Variants in ERC2 observed in about 807,000 individuals in gnomAD.
ERC2 encodes the protein ERC protein 2.
A neutral mutation model predicts 114.8 loss-of-function variants in ERC2; 42 were observed. The ratio of observed to expected loss-of-function variants is 0.37; its 90% confidence interval spans 0.29 to 0.47. The LOEUF is 0.47. Ranked by LOEUF, ERC2 falls within the 20% of genes least tolerant of loss-of-function variation. The pLI is 0.99. For synonymous variants in ERC2, 454 were observed against 425.5 expected (o/e 1.07, Z -0.82); for missense variants, 939 against 1,150.7 (o/e 0.82, Z 2.66).
intron 6 of ERC2, among the ~76,000 whole-genome samples, chr3:56,115,430 T>G (rs919457475): frequency 2.6e-5 from 4 of 151,940 alleles, no homozygotes; most frequent in African/African-American, 9.7e-5. Context: ...CCCCCATTCT[T>G]CAAGAGTCAC....
chr3:56,108,460 A>T (rs898028029), intron 6 of ERC2, among the ~76,000 whole-genome samples: 2 of 152,158 alleles, frequency 1.3e-5, no homozygotes, highest in Admixed American at 1.3e-4. Flanking sequence ...ATAATTTTTT[A>T]TAATCTTAGG....
intron 6 of ERC2, among the ~76,000 whole-genome samples, chr3:56,138,420 G>A (rs899498566): frequency 2.0e-5 from 3 of 152,144 alleles, no homozygotes; most frequent in Admixed American, 6.6e-5. Flanking sequence ...TGATTGTTTC[G>A]AATTGAAGCA....
At chr3:56,250,587 T>C (rs1028519096) in intron 3 of ERC2, among the ~76,000 whole-genome samples, 1 of 152,134 alleles carries the variant, frequency 6.6e-6, no homozygotes, top group Non-Finnish European at 1.5e-5. Flanking sequence ...GTTCCAGAGT[T>C]TGGCTTCTCA....
intron 6 of ERC2, among the ~76,000 whole-genome samples, chr3:56,097,394 T>C (rs73089280): frequency 0.014 from 2,113 of 152,300 alleles, 15 homozygotes; most frequent in Middle Eastern, 0.024. Flanking sequence ...TTTGCTAGTA[T>C]ACATCATGGC....
rs2067611505 is a variant in ERC2, at chr3:55,952,179, ACTCTC to A, written c.2268-1624_2268-1620del. Reference sequence around the variant, plus strand: ...CACACACACACACACACACACACACACTCTCTCTCTCTCTCTCTCTATATATATAT... The same window carrying A: ...CACACACACACACACACACACACACATCTCTCTCTCTCTCTATATATATAT... On this transcript the variant is annotated intron_variant, in intron 12 of 17. Coordinates refer to ENST00000288221, the MANE Select transcript of ERC2 (RefSeq NM_015576.3). Among the ~76,000 whole-genome samples, 17 of 62,106 alleles carry A rather than the reference ACTCTC, an allele frequency of 2.7e-4. 2 individuals carry two copies. The East Asian group carries it at 4.6e-3, about 17-fold the overall frequency. The allele number at this position is 62,106 out of a possible 152,430, so 40.7% of individuals were successfully genotyped here.
intron 14 of ERC2, among the ~76,000 whole-genome samples, chr3:55,788,519 A>G (rs2069701313): frequency 6.6e-6 from 1 of 152,208 alleles, no homozygotes; most frequent in Non-Finnish European, 1.5e-5. Flanking sequence ...ATTCAGCCCC[A>G]TTCCTCAATT....
chr3:55,681,033 G>T (rs541498001), intron 17 of ERC2, among the ~76,000 whole-genome samples: 1 of 151,996 alleles, frequency 6.6e-6, no homozygotes, highest in Non-Finnish European at 1.5e-5. Context: ...CAGGCCATAC[G>T]CTGATAAATC....
At chr3:56,127,821 T>C (rs1266132181) in intron 6 of ERC2, among the ~76,000 whole-genome samples, 1 of 151,738 alleles carries the variant, frequency 6.6e-6, no homozygotes, top group Non-Finnish European at 1.5e-5. Context: ...TCCACACATT[T>C]GTAGCCAACT....
chr3:55,782,173 G>C (rs1192251989), intron 14 of ERC2, among the ~76,000 whole-genome samples: 1 of 152,108 alleles, frequency 6.6e-6, no homozygotes, highest in Non-Finnish European at 1.5e-5. Flanking sequence ...GTGCAGGAGA[G>C]ACAGCCCACT....
At chr3:56,253,629 A>T (rs1378905279) in intron 3 of ERC2, among the ~76,000 whole-genome samples, 2 of 152,206 alleles carry the variant, frequency 1.3e-5, no homozygotes, top group Non-Finnish European at 2.9e-5. Context: ...AGGTGTACAG[A>T]CCACTTGTGG....
At chr3:56,214,402 G>C (rs150421694) in intron 3 of ERC2, among the ~76,000 whole-genome samples, 11 of 151,586 alleles carry the variant, frequency 7.3e-5, no homozygotes, top group Admixed American at 4.6e-4. Flanking sequence ...AGTGATGGAA[G>C]ATCAAATGAA....
intron 3 of ERC2, among the ~76,000 whole-genome samples, chr3:56,263,827 T>C (rs1271831764): frequency 1.3e-5 from 2 of 152,172 alleles, no homozygotes; most frequent in Non-Finnish European, 2.9e-5. Context: ...ATGATTATCA[T>C]GGTACCAAAG....
At chr3:55,972,304 G>C (rs2069224855) in intron 12 of ERC2, among the ~76,000 whole-genome samples, 1 of 152,310 alleles carries the variant, frequency 6.6e-6, no homozygotes, top group Admixed American at 6.5e-5. Context: ...TACATGTGCA[G>C]AACGTGCAGG....
At chr3:56,223,318 A>G (rs1369854477) in intron 3 of ERC2, among the ~76,000 whole-genome samples, 1 of 152,030 alleles carries the variant, frequency 6.6e-6, no homozygotes, top group Non-Finnish European at 1.5e-5. Context: ...TTGTGGTGGG[A>G]CCTCTGTTAA....
chr3:55,893,818 A>C (rs1432312920), intron 13 of ERC2, among the ~76,000 whole-genome samples: 1 of 152,210 alleles, frequency 6.6e-6, no homozygotes, highest in Non-Finnish European at 1.5e-5. Flanking sequence ...ATAATTATGC[A>C]TGCATACACA....
At chr3:55,709,456 T>C (rs2063659410) in intron 15 of ERC2, among the ~76,000 whole-genome samples, 1 of 152,144 alleles carries the variant, frequency 6.6e-6, no homozygotes, top group South Asian at 2.1e-4. Flanking sequence ...CCTCAAAATG[T>C]CTGAAGCTTG....
At chr3:55,702,629 G>A (rs938493037) in intron 15 of ERC2, among the ~76,000 whole-genome samples, 26 of 152,142 alleles carry the variant, frequency 1.7e-4, no homozygotes, top group African/African-American at 6.3e-4. Flanking sequence ...AGGACAGGAA[G>A]TCACAAATAA....
At chr3:56,282,120 G>T (rs986450807) in intron 3 of ERC2, among the ~76,000 whole-genome samples, 1 of 152,198 alleles carries the variant, frequency 6.6e-6, no homozygotes, top group Non-Finnish European at 1.5e-5. Flanking sequence ...TGAATGCAAA[G>T]ATTTTGTAGC....
rs1156601617 is a variant in ERC2, at chr3:56,295,908, CA to C, written c.1074+110del. On this transcript the variant is annotated intron_variant, in intron 3 of 17. Coordinates refer to ENST00000288221, the MANE Select transcript of ERC2 (RefSeq NM_015576.3). ...GGCAGGAAGGTCATAAAGCAGATGA[CA>C]AAGGGAATTTTGTTAAGGATGTAGA... is the stretch of plus-strand genomic sequence containing the variant. The C allele has an allele frequency of 3.3e-6, 4 of 1,223,842 alleles. No homozygotes were observed. The African/African-American group carries it at 6.1e-5, about 19-fold the overall frequency. The allele number at this position is 1,223,842 out of a possible 1,614,324, so 75.8% of individuals were successfully genotyped here.
Sources: gnomAD v4.1 joint callset for allele counts (sites outside exome capture counted in the v4.1 genomes callset) on GRCh38, gnomAD v4.1.1 for gene constraint, MANE v1.5 for transcripts, NCBI Gene and HGNC (gene_info 2026-07-23, HGNC 2026-07-21) for gene names.